The following SMARCC1 variants were observed in gnomAD, a reference collection of about 807,000 sequenced individuals.
SMARCC1 encodes the protein SWI/SNF related BAF chromatin remodeling complex subunit C1, also known as SWI/SNF complex subunit SMARCC1.
Under a neutral mutation model 147.4 loss-of-function variants are expected in SMARCC1, and 43 were observed. That is an observed-to-expected ratio of 0.29 (90% CI 0.23 to 0.38). SMARCC1 has a LOEUF of 0.38. SMARCC1 is among the 10% of genes least tolerant of loss of function. SMARCC1 has a pLI of 1.00. For synonymous variants in SMARCC1, 495 were observed against 484.4 expected (o/e 1.02, Z -0.29); for missense variants, 1,119 against 1,381.1 (o/e 0.81, Z 3.01).
At chr3:47,726,668 C>A (rs1314748212) in intron 6 of SMARCC1, among the ~76,000 whole-genome samples, 1 of 152,182 alleles carries the variant, frequency 6.6e-6, no homozygotes, top group Non-Finnish European at 1.5e-5. Context: ...GAAATTCTAG[C>A]ACATGCTGTA....
chr3:47,737,636 T>C (rs1243017578), intron 4 of SMARCC1, among the ~76,000 whole-genome samples: 3 of 152,076 alleles, frequency 2.0e-5, no homozygotes, highest in African/African-American at 4.8e-5. Flanking sequence ...TTTTTTTTGT[T>C]TTTTTGAGAG....
intron 25 of SMARCC1, among the ~76,000 whole-genome samples, chr3:47,618,077 C>CA (rs1309354565): frequency 1.3e-5 from 2 of 151,994 alleles, no homozygotes; most frequent in African/African-American, 4.8e-5. Context: ...CAGCTGACAC[C>CA]AAATGCTGAT....
chr3:47,608,919 G>C (rs1292402622), intron 26 of SMARCC1, among the ~76,000 whole-genome samples: 2 of 150,616 alleles, frequency 1.3e-5, no homozygotes, highest in African/African-American at 4.9e-5. Flanking sequence ...TAGGAAATGT[G>C]TGTTTGTGTG....
intron 25 of SMARCC1, among the ~76,000 whole-genome samples, chr3:47,615,198 T>A (rs375223919): frequency 2.6e-4 from 40 of 152,338 alleles, no homozygotes; most frequent in East Asian, 2.3e-3. Flanking sequence ...TAATACCTTA[T>A]TACTTATAAA....
intron 13 of SMARCC1, among the ~76,000 whole-genome samples, chr3:47,687,678 G>T (rs1419245885): frequency 2.0e-5 from 3 of 152,100 alleles, no homozygotes; most frequent in Non-Finnish European, 4.4e-5. Context: ...GTGTTGTGCT[G>T]GCTGGTTTTG....
chr3:47,778,264 TAAAC>T (rs2035001240), intron 1 of SMARCC1, among the ~76,000 whole-genome samples: 1 of 151,434 alleles, frequency 6.6e-6, no homozygotes. Context: ...TTCTATGTCA[TAAAC>T]AATTAATCTG....
chr3:47,748,513 C>CGGCT (rs2034592201), intron 2 of SMARCC1, among the ~76,000 whole-genome samples: 2 of 121,462 alleles, frequency 1.6e-5, no homozygotes, highest in African/African-American at 6.4e-5. Flanking sequence ...CATGAGCCAC[C>CGGCT]GCACCCGGCC....
chr3:47,715,973 A>T (rs2034151081), intron 7 of SMARCC1, among the ~76,000 whole-genome samples: 1 of 152,034 alleles, frequency 6.6e-6, no homozygotes, highest in Non-Finnish European at 1.5e-5. Context: ...CTACTCCAAC[A>T]AAATCATAAA....
chr3:47,751,368 C>T (rs1282901022), intron 2 of SMARCC1, among the ~76,000 whole-genome samples: 2 of 151,884 alleles, frequency 1.3e-5, no homozygotes, highest in African/African-American at 4.8e-5. Context: ...TGGGGAAACC[C>T]TGTCTCTACC....
intron 24 of SMARCC1, among the ~76,000 whole-genome samples, chr3:47,624,835 A>G (rs1227656982): frequency 3.7e-4 from 56 of 151,750 alleles, no homozygotes; most frequent in Admixed American, 3.7e-3. Context: ...GGATTACAGA[A>G]GGCCAGGAGT....
chr3:47,616,247 C>G (rs1005757239), intron 25 of SMARCC1, among the ~76,000 whole-genome samples: 3 of 152,218 alleles, frequency 2.0e-5, no homozygotes, highest in Non-Finnish European at 4.4e-5. Context: ...TCAAAAGCTA[C>G]TCAGTCTACA....
intron 26 of SMARCC1, 38 bp from the exon 27 acceptor site, chr3:47,590,875 A>G: frequency 3.2e-6 from 5 of 1,551,174 alleles, no homozygotes; most frequent in Non-Finnish European, 4.4e-6. Context: ...AGTATACTAG[A>G]AAGGGGTGTA....
chr3:47,621,293 C>G (rs1388215619), intron 25 of SMARCC1, among the ~76,000 whole-genome samples: 1 of 137,232 alleles, frequency 7.3e-6, no homozygotes, highest in African/African-American at 2.9e-5. Context: ...GGCGAGACTC[C>G]GTCTCAAAAA....
intron 21 of SMARCC1, among the ~76,000 whole-genome samples, chr3:47,647,131 C>T (rs553365170): frequency 1.3e-5 from 2 of 152,258 alleles, no homozygotes; most frequent in South Asian, 2.1e-4. Context: ...GGTCAGACAG[C>T]GAAAAGAATG....
chr3:47,667,317 CAA>C (rs71070207), intron 19 of SMARCC1, among the ~76,000 whole-genome samples: 5 of 131,806 alleles, frequency 3.8e-5, no homozygotes, highest in Admixed American at 7.5e-5. Flanking sequence ...GACTCCGTCT[CAA>C]AAAAAAAAAA....
rs989789813 is a variant in SMARCC1, at chr3:47,745,989, T to C, written c.320A>G (p.Lys107Arg). 1.3e-5 allele frequency: 20 copies of C among 1,573,612 alleles called. No individual in the cohort carries two copies. The Admixed American group carries it at 2.6e-4, about 20-fold the overall frequency. Residue 107 changes from lysine to arginine, a missense_variant, in exon 3 of 28, where the codon AAG becomes AGG. By Grantham distance (26) the Lys-to-Arg change is conservative. Transcript: ENST00000254480. ...TCCAGCTTTGAAATCCATGAAACAC[T>C]TTGCCTAAAAATGATACAAATTACA... ...TNPAFTKLPA[K>R]CFMDFKAGGA...
At chr3:47,672,711 C>A (rs900644662) in intron 18 of SMARCC1, among the ~76,000 whole-genome samples, 4 of 152,194 alleles carry the variant, frequency 2.6e-5, no homozygotes, top group African/African-American at 9.6e-5. Context: ...ACAACCATTT[C>A]TCCACTTCTC....
At chr3:47,605,359 C>T (rs1244473571) in intron 26 of SMARCC1, among the ~76,000 whole-genome samples, 1 of 152,062 alleles carries the variant, frequency 6.6e-6, no homozygotes, top group African/African-American at 2.4e-5. Flanking sequence ...GTCAAATGTC[C>T]AACAGAACAG....
chr3:47,734,421 A>G (rs2034415948), intron 5 of SMARCC1, among the ~76,000 whole-genome samples: 1 of 152,224 alleles, frequency 6.6e-6, no homozygotes, highest in Non-Finnish European at 1.5e-5. Flanking sequence ...TAGAAACATT[A>G]ACTTTCAGAA....
Sources: gnomAD v4.1 joint callset for allele counts (sites outside exome capture counted in the v4.1 genomes callset) on GRCh38, gnomAD v4.1.1 for gene constraint, MANE v1.5 for transcripts, NCBI Gene and HGNC (gene_info 2026-07-23, HGNC 2026-07-21) for gene names.